The following C14orf39 variants were observed in gnomAD, a reference collection of about 807,000 sequenced individuals.
C14orf39 encodes chromosome 14 open reading frame 39, also known as protein SIX6OS1.
C14orf39 carries 66 observed loss-of-function variants against 85.6 expected under a neutral mutation model. That is an observed-to-expected ratio of 0.77 (90% CI 0.63 to 0.95). The LOEUF is 0.95. C14orf39 is among the 40% of genes least tolerant of loss of function. The pLI is 0.00. For missense variants in C14orf39, 735 were observed against 663.9 expected, an observed-to-expected ratio of 1.11 and a Z score of -1.18; for synonymous variants, 242 against 214.0, an observed-to-expected ratio of 1.13 and a Z score of -1.14.
intron 16 of C14orf39, among the ~76,000 whole-genome samples, chr14:60,446,053 G>A (rs1425992405): frequency 2.6e-5 from 4 of 151,958 alleles, no homozygotes; most frequent in East Asian, 1.9e-4. Context: ...TCTGGGACAC[G>A]TTTAAAGCAG....
At chr14:60,474,012 G>A (rs1460145087) in intron 5 of C14orf39, among the ~76,000 whole-genome samples, 47 of 152,168 alleles carry the variant, frequency 3.1e-4, no homozygotes, top group Admixed American at 5.9e-4. Context: ...CCATTTTCAC[G>A]ATATTGATTC....
upstream of C14orf39, among the ~76,000 whole-genome samples, chr14:60,488,027 T>C (rs1892931421): frequency 6.6e-6 from 1 of 152,192 alleles, no homozygotes; most frequent in Admixed American, 6.5e-5. Flanking sequence ...CTTATTACAT[T>C]TGTTTATATT....
Position 60,436,146 on chromosome 14 carries a change from A to G in C14orf39, c.*699T>C, listed in dbSNP as rs1890240454. On this transcript the variant is annotated 3_prime_UTR_variant, in exon 18 of 18. Coordinates refer to ENST00000321731, the MANE Select transcript of C14orf39 (RefSeq NM_174978.3). ...AATTTTTGTTATTGAAGGAGACAAA[A>G]TTGTAAATGTTCTTCAAAAAATATT... 6.6e-6 allele frequency: 1 copy of G among 152,176 alleles called. No homozygotes were observed. Among genetic ancestry groups the G allele is most frequent in the Admixed American group, 6.6e-5 (1 of 15,260 alleles). The allele number at this position is 152,176 out of a possible 1,614,324, so 9.4% of individuals were successfully genotyped here. A position where few individuals can be genotyped will look rare whatever the true frequency, so the allele number is the denominator to read the frequency against.
At chr14:60,448,731 C>T (rs1031369833) in intron 16 of C14orf39, among the ~76,000 whole-genome samples, 40 of 152,144 alleles carry the variant, frequency 2.6e-4, no homozygotes, top group African/African-American at 8.9e-4. Context: ...CACATGCACA[C>T]GTATGTTTTT....
At chr14:60,498,938 C>T (rs1893103513) in intron 2 of C14orf39, among the ~76,000 whole-genome samples, 1 of 152,216 alleles carries the variant, frequency 6.6e-6, no homozygotes, top group African/African-American at 2.4e-5. Context: ...AAAATATCCA[C>T]AGAACAGCCA....
intron 11 of C14orf39, among the ~76,000 whole-genome samples, chr14:60,464,152 C>G (rs995436261): frequency 1.3e-5 from 2 of 152,148 alleles, no homozygotes; most frequent in African/African-American, 4.8e-5. Context: ...CTTTTTCTTT[C>G]CTGCCTGGAA....
At chr14:60,503,345 T>G (rs377038056) in intron 1 of C14orf39, among the ~76,000 whole-genome samples, 13 of 152,144 alleles carry the variant, frequency 8.5e-5, no homozygotes, top group Admixed American at 5.2e-4. Flanking sequence ...TGAACTAGAG[T>G]GCACCAAACT....
intron 4 of C14orf39, among the ~76,000 whole-genome samples, chr14:60,478,706 C>T (rs998974012): frequency 2.0e-5 from 3 of 152,090 alleles, no homozygotes; most frequent in Non-Finnish European, 4.4e-5. Flanking sequence ...TGTAACACTC[C>T]AATATCAGCC....
rs778350770 is a variant in C14orf39, at chr14:60,511,206, C to T, written c.-144+4189G>A. 3 of 1,613,160 alleles carry T rather than the reference C, an allele frequency of 1.9e-6. No individual in the cohort carries two copies. The highest frequency in any genetic ancestry group is 8.5e-7 in the Non-Finnish European group (1 of 1,179,954). On this transcript the variant is annotated intron_variant, in intron 1 of 5. Coordinates refer to the C14orf39 transcript ENST00000556799. ...GCCAGTCTATCCAGCAAGGCGGCCA[C>T]TTCAGCCATCTCCATCACGTCCAGC... is the stretch of plus-strand genomic sequence containing the variant.
At chr14:60,509,162 C>A in intron 1 of C14orf39, 1 of 560,682 alleles carries the variant, frequency 1.8e-6, no homozygotes, top group Non-Finnish European at 3.2e-6. Flanking sequence ...GGAGCCAGCT[C>A]GCCTGCCGGC....
At chr14:60,493,431 A>G (rs1893021884) in intron 2 of C14orf39, among the ~76,000 whole-genome samples, 1 of 152,196 alleles carries the variant, frequency 6.6e-6, no homozygotes, top group Non-Finnish European at 1.5e-5. Flanking sequence ...CAGTTAGGCT[A>G]AGCAGTTATG....
At chr14:60,442,248 G>A (rs1595439185) in intron 16 of C14orf39, 117 bp from the exon 17 acceptor site, 3 of 586,400 alleles carry the variant, frequency 5.1e-6, no homozygotes, top group African/African-American at 3.7e-5. Context: ...GTAGACATAT[G>A]GTACCTTTAT....
At chr14:60,449,655 TAATC>T (rs911104599) in intron 16 of C14orf39, among the ~76,000 whole-genome samples, 33 of 152,226 alleles carry the variant, frequency 2.2e-4, no homozygotes, top group African/African-American at 8.0e-4. Context: ...TATTTTCAAA[TAATC>T]AACTTTGACT....
chr14:60,474,534 G>A (rs185108793), intron 5 of C14orf39, among the ~76,000 whole-genome samples: 1 of 149,538 alleles, frequency 6.7e-6, no homozygotes, highest in Non-Finnish European at 1.5e-5. Context: ...ATTGGCTGTG[G>A]GTTTGTCATA....
At chr14:60,510,377 T>C (rs139669035) in intron 1 of C14orf39, among the ~76,000 whole-genome samples, 1 of 152,328 alleles carries the variant, frequency 6.6e-6, no homozygotes, top group East Asian at 1.9e-4. Context: ...TCATGTTAAT[T>C]ATCATTTTCA....
rs570949372 is a variant in C14orf39 at position 60,500,232 on chromosome 14, G to A, written c.-143-802C>T. 9.2e-5 allele frequency among the ~76,000 whole-genome samples: 14 copies of A among 152,156 alleles called. No homozygotes were observed. In the South Asian group the frequency reaches 1.7e-3, roughly 18 times the overall value. ...AGTAGAGATGGGGTTTTACCATGTCGGTCAGGCTGGTCTCGAACTCCCGAC... is the reference window on the plus strand; with the variant it reads ...AGTAGAGATGGGGTTTTACCATGTCAGTCAGGCTGGTCTCGAACTCCCGAC... On this transcript the variant is annotated intron_variant, in intron 1 of 5. Coordinates refer to the C14orf39 transcript ENST00000556799.
At chr14:60,453,164 C>T (rs938312574) in intron 16 of C14orf39, among the ~76,000 whole-genome samples, 2 of 152,012 alleles carry the variant, frequency 1.3e-5, no homozygotes, top group African/African-American at 2.4e-5. Context: ...GTATTAAAAC[C>T]TCCAATATGT....
At chr14:60,440,408 TTC>T (rs998497602) in intron 17 of C14orf39, among the ~76,000 whole-genome samples, 1 of 152,176 alleles carries the variant, frequency 6.6e-6, no homozygotes, top group Admixed American at 6.5e-5. Context: ...CAATCTTTGT[TTC>T]TCTCTCTCAA....
At position 60,442,084 on chromosome 14, in the gene C14orf39, C is replaced by T; in HGVS notation, c.1551G>A (p.Glu517=). ...CTTCAAACAACTTACCAATCTCTTG[C>T]TCTGATGACAGAGGATTTAGATTTC... ...SARNLNPLSS[E]QEIGNLLEKP... is the part of the protein sequence containing the mutation. The change falls in exon 17 of 18, where the codon GAG becomes GAA. Residue 517 remains glutamate, a synonymous_variant. Coordinates refer to ENST00000321731, the MANE Select transcript of C14orf39 (RefSeq NM_174978.3). 1.2e-6 allele frequency: 2 copies of T among 1,609,954 alleles called. No individual in the cohort carries two copies. The highest frequency in any genetic ancestry group is 1.7e-6 in the Non-Finnish European group (2 of 1,176,860).
Sources: allele counts gnomAD v4.1 joint callset (sites outside exome capture counted in the v4.1 genomes callset), GRCh38; gene constraint gnomAD v4.1.1; transcripts MANE v1.5; gene names NCBI Gene and HGNC (gene_info 2026-07-23, HGNC 2026-07-21).